The following CCDC86 variants were observed in gnomAD, a reference collection of about 807,000 sequenced individuals.
CCDC86 encodes the protein coiled-coil domain containing 86, also known as coiled-coil domain-containing protein 86.
Under a neutral mutation model 36.7 loss-of-function variants are expected in CCDC86, and 28 were observed. The ratio of observed to expected loss-of-function variants is 0.76; its 90% CI spans 0.57 to 1.05. The LOEUF (loss-of-function observed/expected upper bound fraction) is 1.05. Among genes scored for constraint, CCDC86 ranks in the 50% least tolerant of loss-of-function variants. The pLI, the probability that CCDC86 is intolerant of heterozygous loss-of-function variation, is 0.00. For synonymous variants in CCDC86, 199 were observed against 203.4 expected (o/e 0.98, Z 0.18); for missense variants, 453 against 470.2 (o/e 0.96, Z 0.34).
At chr11:60,843,065 G>GGGCCA (rs1855144804) in intron 1 of CCDC86, 183 bp downstream of exon 1, 1 of 834,858 alleles carries the variant, frequency 1.2e-6, no homozygotes, top group Non-Finnish European at 1.7e-6. Context: ...GGAGAGGGTG[G>GGGCCA]GGCCAGGCCC....
intron 3 of CCDC86, 43 bp from the exon 4 acceptor site, chr11:60,850,163 A>G: frequency 6.2e-7 from 1 of 1,611,998 alleles, no homozygotes; most frequent in Non-Finnish European, 8.5e-7. Context: ...ATTTGGACCG[A>G]GGCTGCAGCT....
At chr11:60,846,811 T>TGATC (rs1478242530) in intron 1 of CCDC86, among the ~76,000 whole-genome samples, 2 of 152,158 alleles carry the variant, frequency 1.3e-5, no homozygotes, top group African/African-American at 4.8e-5. Context: ...CGACCTTAGG[T>TGATC]GATCGGCCCA....
At chr11:60,847,766 A>G (rs1410697076) in intron 1 of CCDC86, 158 bp from the exon 2 acceptor site, 8 of 972,196 alleles carry the variant, frequency 8.2e-6, no homozygotes, top group Non-Finnish European at 1.2e-5. Flanking sequence ...TCCCGCCCCA[A>G]GTTTCTGCAG....
At position 60,850,365 on chromosome 11, in the gene CCDC86, G is replaced by T; in HGVS notation, c.*40G>T. On this transcript the variant is annotated 3_prime_UTR_variant, in exon 4 of 4. Transcript: ENST00000227520. ...GAGGCCTTCCATGGCCAACAACCAT[G>T]TCAGACACAGCACCTCAGGCCGCTG... 6.2e-7 allele frequency: 1 copy of T among 1,605,602 alleles called. No homozygotes were observed. Among genetic ancestry groups the T allele is most frequent in the Non-Finnish European group, 8.5e-7 (1 of 1,173,696 alleles).
intron 1 of CCDC86, among the ~76,000 whole-genome samples, chr11:60,845,180 G>C (rs1383793426): frequency 6.6e-6 from 1 of 152,188 alleles, no homozygotes; most frequent in East Asian, 1.9e-4. Context: ...GCTCCCGTTT[G>C]AGAGGCTTTC....
chr11:60,845,593 C>T (rs75514221), intron 1 of CCDC86, among the ~76,000 whole-genome samples: 2,599 of 152,342 alleles, frequency 0.017, 35 homozygotes, highest in South Asian at 0.04. Context: ...AGGAAGACAG[C>T]CGCAGCTGGG....
chr11:60,848,963 G>C (rs973732953), intron 2 of CCDC86, among the ~76,000 whole-genome samples: 4 of 152,190 alleles, frequency 2.6e-5, no homozygotes, highest in African/African-American at 9.7e-5. Context: ...GCAAGACAGA[G>C]CTGCCGTCTC....
intron 2 of CCDC86, among the ~76,000 whole-genome samples, chr11:60,848,685 G>T (rs561377181): frequency 1.3e-5 from 2 of 152,246 alleles, no homozygotes; most frequent in South Asian, 4.1e-4. Context: ...TGCCCCCCAG[G>T]GCAGGGCAGT....
At chr11:60,845,884 C>T (rs11230503) in intron 1 of CCDC86, among the ~76,000 whole-genome samples, 22,730 of 152,218 alleles carry the variant, frequency 0.15, 2,140 homozygotes, top group Middle Eastern at 0.27. Flanking sequence ...TCCTCAATAC[C>T]CAGGTAGAAC....
In CCDC86 at chr11:60,850,003, G is replaced by A. The variant is rs1276890787; in HGVS notation, c.952G>A (p.Val318Ile). 1 of 1,614,190 alleles carries A rather than the reference G, an allele frequency of 6.2e-7. No individual in the cohort carries two copies. Among genetic ancestry groups the A allele is most frequent in the Admixed American group, 1.7e-5 (1 of 60,022 alleles). The change falls in exon 3 of 4, where the codon GTC becomes ATC. Residue 318 changes from valine to isoleucine, a missense_variant. Physicochemically the swap from Val to Ile is conservative, Grantham distance 29 (BLOSUM62 3). Transcript: ENST00000227520. ...RRLENERKAE[V>I]VQVIRNPAKL... ...CCTGGAGAATGAGCGGAAGGCAGAGGTCGTCCAAGTGGTGAGTGTCTCGTT... is the reference window on the plus strand; with the variant it reads ...CCTGGAGAATGAGCGGAAGGCAGAGATCGTCCAAGTGGTGAGTGTCTCGTT...
intron 1 of CCDC86, 144 bp downstream of exon 1, chr11:60,843,026 C>G (rs1855144320): frequency 8.7e-7 from 1 of 1,143,580 alleles, no homozygotes; most frequent in African/African-American, 1.6e-5. Flanking sequence ...TAATTACAAT[C>G]AGAATGTGGT....
chr11:60,845,944 T>G (rs546923587), intron 1 of CCDC86, among the ~76,000 whole-genome samples: 1 of 152,330 alleles, frequency 6.6e-6, no homozygotes, highest in Admixed American at 6.5e-5. Context: ...CAGCCACATG[T>G]GGCTATGTAC....
At chr11:60,843,301 C>T (rs934574504) in intron 1 of CCDC86, among the ~76,000 whole-genome samples, 15 of 152,226 alleles carry the variant, frequency 9.9e-5, no homozygotes, top group African/African-American at 3.4e-4. Context: ...TATTACTGAG[C>T]ACTGATTATA....
chr11:60,847,977 T>A lies in CCDC86; in HGVS notation c.812T>A (p.Met271Lys). Residue 271 changes from methionine (M) to lysine (K), a missense_variant, in exon 2 of 4, where the codon ATG becomes AAG. Physicochemically the swap from Met to Lys is moderately conservative, Grantham distance 95. Coordinates refer to ENST00000227520, the MANE Select transcript of CCDC86 (RefSeq NM_024098.4). The part of the protein sequence containing the change: ...KPLRTSWQRK[M>K]KERQERKLAK... ...CTGCGCACATCGTGGCAGCGGAAGA[T>A]GAAGGAACGACAGGAGAGGAAGCTG... 6.2e-7 allele frequency: 1 copy of A among 1,613,588 alleles called. No individual in the cohort carries two copies. The highest frequency in any genetic ancestry group is 8.5e-7 in the Non-Finnish European group (1 of 1,179,700).
rs1565095187 is a variant in CCDC86, at chr11:60,842,569, G to C, written c.445G>C (p.Ala149Pro). Residue 149 changes from alanine (A) to proline (P), a missense_variant, in exon 1 of 4, where the codon GCC (alanine) becomes CCC (proline). Coordinates refer to ENST00000227520, the MANE Select transcript of CCDC86 (RefSeq NM_024098.4). Reference sequence around the variant, plus strand: ...GAATAAGGAGGAGCTGACCCCGGGGGCCCCCCAGCATCAGCTACCGCCGGT... The same window carrying C: ...GAATAAGGAGGAGCTGACCCCGGGGCCCCCCCAGCATCAGCTACCGCCGGT... ...AQNKEELTPG[A>P]PQHQLPPVPG... 1 of 1,612,894 alleles carries C rather than the reference G, an allele frequency of 6.2e-7. No individual in the cohort carries two copies. Among genetic ancestry groups the C allele is most frequent in the Admixed American group, 1.7e-5 (1 of 59,972 alleles).
At chr11:60,849,814 G>A (rs1038132605) in intron 2 of CCDC86, 126 bp from the exon 3 acceptor site, 3 of 788,062 alleles carry the variant, frequency 3.8e-6, no homozygotes, top group African/African-American at 3.4e-5. Flanking sequence ...CACCAACCTG[G>A]AGCCTGGCAG....
intron 2 of CCDC86, among the ~76,000 whole-genome samples, chr11:60,849,476 C>T (rs932599047): frequency 1.3e-5 from 2 of 152,224 alleles, no homozygotes; most frequent in Non-Finnish European, 2.9e-5. Context: ...CAGCCCCACA[C>T]CTGTGAAAAT....
intron 2 of CCDC86, among the ~76,000 whole-genome samples, chr11:60,848,354 A>C (rs7939082): frequency 0.042 from 6,361 of 152,168 alleles, 314 homozygotes; most frequent in African/African-American, 0.11. Flanking sequence ...CCCGGGAGGA[A>C]GTCCTGGGTG....
chr11:60,849,867 A>C (rs1346611026), intron 2 of CCDC86, 73 bp from the exon 3 acceptor site: 3 of 1,304,548 alleles, frequency 2.3e-6, no homozygotes, highest in Non-Finnish European at 3.3e-6. Flanking sequence ...GCCCGCTCGC[A>C]CTCTTCTGGG....
Sources: gnomAD v4.1 joint callset for allele counts (sites outside exome capture counted in the v4.1 genomes callset) on GRCh38, gnomAD v4.1.1 for gene constraint, MANE v1.5 for transcripts, NCBI Gene and HGNC (gene_info 2026-07-23, HGNC 2026-07-21) for gene names.